Variants in AKAP13 observed in about 807,000 individuals in gnomAD.
AKAP13 encodes A-kinase anchoring protein 13.
Under a neutral mutation model 264.5 loss-of-function variants are expected in AKAP13, and 80 were observed. That is an observed-to-expected ratio of 0.30 (90% CI 0.25 to 0.36). The LOEUF is 0.36. AKAP13 is among the 10% of genes least tolerant of loss of function. The pLI is 1.00. For synonymous variants in AKAP13, 1,380 were observed against 1,250.2 expected (o/e 1.10, Z -2.19); for missense variants, 3,712 against 3,435.2 (o/e 1.08, Z -2.01).
intron 1 of AKAP13, among the ~76,000 whole-genome samples, chr15:85,440,811 T>C (rs750642995): frequency 6.6e-6 from 1 of 152,186 alleles, no homozygotes; most frequent in Admixed American, 6.6e-5. Context: ...TCTACCAAGG[T>C]AATGATGACC....
intron 11 of AKAP13, among the ~76,000 whole-genome samples, chr15:85,657,710 C>CTTTT (rs11332236): frequency 7.1e-5 from 9 of 127,546 alleles, no homozygotes; most frequent in African/African-American, 2.8e-5. Flanking sequence ...GTGGTGTACT[C>CTTTT]TTTTTTTTTT....
intron 17 of AKAP13, among the ~76,000 whole-genome samples, chr15:85,700,936 C>A (rs1309795335): frequency 6.6e-6 from 1 of 152,206 alleles, no homozygotes; most frequent in East Asian, 1.9e-4. Context: ...AAGTGAATTG[C>A]GAATGTCATG....
At chr15:85,516,271 A>G (rs997978948) in intron 2 of AKAP13, among the ~76,000 whole-genome samples, 3 of 152,156 alleles carry the variant, frequency 2.0e-5, no homozygotes, top group African/African-American at 4.8e-5. Flanking sequence ...TAATTCTTCA[A>G]AACGACCTTA....
intron 1 of AKAP13, among the ~76,000 whole-genome samples, chr15:85,420,939 C>G (rs2150899027): frequency 6.6e-6 from 1 of 152,178 alleles, no homozygotes; most frequent in South Asian, 2.1e-4. Flanking sequence ...AATCGGAATT[C>G]TGCATTTTAA....
intron 12 of AKAP13, among the ~76,000 whole-genome samples, chr15:85,658,809 A>G (rs1177664577): frequency 6.6e-6 from 1 of 152,082 alleles, no homozygotes; most frequent in Non-Finnish European, 1.5e-5. Context: ...TCTTTTTTAA[A>G]AATTATTTTT....
chr15:85,527,403 T>TTA (rs2077103963), intron 3 of AKAP13, among the ~76,000 whole-genome samples: 1 of 152,196 alleles, frequency 6.6e-6, no homozygotes. Flanking sequence ...CAAAAAAAAC[T>TTA]TACAGTGATA....
At chr15:85,542,318 A>T (rs531434547) in intron 4 of AKAP13, among the ~76,000 whole-genome samples, 8 of 152,322 alleles carry the variant, frequency 5.3e-5, no homozygotes, top group African/African-American at 1.9e-4. Flanking sequence ...ATGCATATAC[A>T]GTTCTGTAGG....
At chr15:85,706,811 C>T (rs2086295171) in intron 17 of AKAP13, among the ~76,000 whole-genome samples, 1 of 152,144 alleles carries the variant, frequency 6.6e-6, no homozygotes, top group Non-Finnish European at 1.5e-5. Flanking sequence ...TCTCAATACA[C>T]TGTGCCAGTG....
At chr15:85,662,390 T>C in intron 12 of AKAP13, 1 of 1,612,690 alleles carries the variant, frequency 6.2e-7, no homozygotes, top group Non-Finnish European at 8.5e-7. Context: ...ATCCCCAGTA[T>C]GAGCTGGTGC....
At chr15:85,446,710 CTTTTTTTTTTTTT>C (rs67306030) in intron 1 of AKAP13, among the ~76,000 whole-genome samples, 1 of 124,426 alleles carries the variant, frequency 8.0e-6, no homozygotes, top group African/African-American at 3.1e-5. Context: ...TTTTCTTTTT[CTTTTTTTTTTTTT>C]TTTTTGAGAC....
intron 23 of AKAP13, among the ~76,000 whole-genome samples, chr15:85,721,483 T>G (rs2087279165): frequency 1.3e-5 from 2 of 152,202 alleles, no homozygotes; most frequent in South Asian, 4.1e-4. Context: ...TCATTGAGAT[T>G]GCACACATTT....
intron 2 of AKAP13, among the ~76,000 whole-genome samples, chr15:85,516,355 A>G (rs2076598264): frequency 6.6e-6 from 1 of 152,226 alleles, no homozygotes; most frequent in Non-Finnish European, 1.5e-5. Flanking sequence ...AGTTAAACAG[A>G]TGTAAAGTGA....
At chr15:85,456,895 T>C (rs968373866) in intron 1 of AKAP13, among the ~76,000 whole-genome samples, 4 of 152,178 alleles carry the variant, frequency 2.6e-5, no homozygotes, top group Admixed American at 2.0e-4. Context: ...TCTAAAAATT[T>C]CATGAGGTTG....
intron 2 of AKAP13, among the ~76,000 whole-genome samples, chr15:85,503,957 G>A (rs892471505): frequency 6.6e-6 from 1 of 152,084 alleles, no homozygotes; most frequent in South Asian, 2.1e-4. Flanking sequence ...GGTTTGTTGG[G>A]GGCTTTGTGT....
At chr15:85,506,133 C>T (rs771169117) in intron 2 of AKAP13, among the ~76,000 whole-genome samples, 14 of 152,118 alleles carry the variant, frequency 9.2e-5, no homozygotes, top group Admixed American at 2.0e-4. Flanking sequence ...TCCGTCTCTA[C>T]TAATACAGAA....
chr15:85,575,176 A>G lies in AKAP13; in HGVS notation c.708A>G (p.Glu236=), dbSNP rs996352354. ...EPDSWSSLSY[E]IPYGDCSVRH... ...ACTCCTGGAGCAGTTTATCCTATGAAATACCGTATGGAGACTGTTCTGTGA... is the reference window on the plus strand; with the variant it reads ...ACTCCTGGAGCAGTTTATCCTATGAGATACCGTATGGAGACTGTTCTGTGA... Residue 236 remains glutamate (E), a synonymous_variant, in exon 6 of 37, where the codon GAA becomes GAG. Coordinates refer to ENST00000394518, the MANE Select transcript of AKAP13 (RefSeq NM_007200.5). 1 of 1,614,110 alleles carries G rather than the reference A, an allele frequency of 6.2e-7. No homozygotes were observed. The highest frequency in any genetic ancestry group is 2.2e-5 in the East Asian group (1 of 44,876).
chr15:85,555,138 G>A (rs960420282), intron 5 of AKAP13, among the ~76,000 whole-genome samples: 13 of 151,994 alleles, frequency 8.6e-5, no homozygotes, highest in Non-Finnish European at 5.9e-5. Flanking sequence ...GCCTAGCAGC[G>A]AGTTCCCTAC....
chr15:85,525,537 A>G (rs2077005440), intron 3 of AKAP13, among the ~76,000 whole-genome samples: 1 of 152,220 alleles, frequency 6.6e-6, no homozygotes, highest in African/African-American at 2.4e-5. Flanking sequence ...TAAAACACCT[A>G]TGAAAGTGGC....
chr15:85,684,886 G>C lies in AKAP13; in HGVS notation c.5289+13G>C, dbSNP rs781154718. The C allele has an allele frequency of 1.2e-6, 2 of 1,612,822 alleles. No homozygotes were observed. The highest frequency in any genetic ancestry group is 1.1e-5 in the South Asian group (1 of 90,808). ...CAAGAAGAGCAAAGTGAGTATCACT[G>C]TGGGCATTGCTTGTGATCACCTCAG... is the stretch of plus-strand genomic sequence containing the variant. On this transcript the variant is annotated intron_variant, in intron 16 of 36. Coordinates refer to ENST00000394518, the MANE Select transcript of AKAP13 (RefSeq NM_007200.5).
Sources: gnomAD v4.1 joint callset for allele counts (sites outside exome capture counted in the v4.1 genomes callset) on GRCh38, gnomAD v4.1.1 for gene constraint, MANE v1.5 for transcripts, NCBI Gene and HGNC (gene_info 2026-07-23, HGNC 2026-07-21) for gene names.